The following CHRM2 variants were observed in gnomAD, a reference collection of about 807,000 sequenced individuals.
CHRM2 encodes cholinergic receptor muscarinic 2.
CHRM2 carries 8 observed loss-of-function variants against 25.0 expected under a neutral mutation model. The ratio of observed to expected loss-of-function variants is 0.32; its 90% CI spans 0.19 to 0.58. CHRM2 has a LOEUF of 0.58. Ranked by LOEUF, CHRM2 falls within the 20% of genes least tolerant of loss-of-function variation. The probability of loss-of-function intolerance (pLI) is 0.88; values close to 1 mark genes in which losing one functional copy is unlikely to be tolerated. For missense variants in CHRM2, 440 were observed against 567.1 expected, an observed-to-expected ratio of 0.78 and a Z score of 2.28; for synonymous variants, 202 against 205.7, an observed-to-expected ratio of 0.98 and a Z score of 0.15.
chr7:136,880,707 C>T (rs1438949642), intron 2 of CHRM2, among the ~76,000 whole-genome samples: 1 of 151,676 alleles, frequency 6.6e-6, no homozygotes, highest in African/African-American at 2.4e-5. Context: ...AACCTTTTGG[C>T]CCCACACACA....
Position 136,970,758 on chromosome 7 carries a change from A to G in CHRM2, c.-124-21429A>G, listed in dbSNP as rs80250511. Among the ~76,000 whole-genome samples, 618 of 152,310 alleles carry G rather than the reference A, an allele frequency of 4.1e-3. 3 individuals are homozygous for G. The highest frequency in any genetic ancestry group is 0.014 in the African/African-American group (568 of 41,570). The stretch of plus-strand genomic sequence containing the variant: ...AAACTTACATGTCAATACCTTAGAG[A>G]AAAAAGGCCATTTCTCTTTTCACCT... On this transcript the variant is annotated intron_variant, in intron 2 of 3. Transcript: ENST00000680005.
At chr7:136,875,797 A>T (rs1796030011) in intron 2 of CHRM2, among the ~76,000 whole-genome samples, 1 of 152,202 alleles carries the variant, frequency 6.6e-6, no homozygotes, top group African/African-American at 2.4e-5. Context: ...CAACTGCACA[A>T]GGAAAGAATC....
At chr7:136,880,756 A>G (rs1796234290) in intron 2 of CHRM2, among the ~76,000 whole-genome samples, 1 of 151,804 alleles carries the variant, frequency 6.6e-6, no homozygotes, top group African/African-American at 2.4e-5. Flanking sequence ...CACCAGAGTG[A>G]TACATTTGTT....
At chr7:137,000,918 C>A (rs1483518060) in intron 3 of CHRM2, among the ~76,000 whole-genome samples, 1 of 152,050 alleles carries the variant, frequency 6.6e-6, no homozygotes, top group Non-Finnish European at 1.5e-5. Context: ...GAGCCTTTAA[C>A]CATTTAAGGG....
intron 2 of CHRM2, among the ~76,000 whole-genome samples, chr7:136,938,843 C>T (rs976537356): frequency 2.0e-5 from 3 of 146,908 alleles, no homozygotes; most frequent in Admixed American, 1.4e-4. Flanking sequence ...ACCTGGGGAC[C>T]CCCCTTGCCG....
At chr7:136,902,241 A>G (rs1200759411) in intron 2 of CHRM2, 2 of 151,850 alleles carry the variant, frequency 1.3e-5, no homozygotes, top group African/African-American at 4.8e-5. Flanking sequence ...CCATCCATCC[A>G]TCCATCCATC....
At chr7:136,979,061 C>T (rs934244662) in intron 2 of CHRM2, among the ~76,000 whole-genome samples, 3 of 152,150 alleles carry the variant, frequency 2.0e-5, no homozygotes, top group Admixed American at 2.0e-4. Context: ...ATTTATACTC[C>T]CACAAACAGC....
At chr7:136,984,328 T>A (rs1802694545) in intron 2 of CHRM2, among the ~76,000 whole-genome samples, 1 of 152,158 alleles carries the variant, frequency 6.6e-6, no homozygotes, top group Non-Finnish European at 1.5e-5. Context: ...TTCAGACTGC[T>A]GTGCTGGCAG....
At chr7:136,904,080 T>C (rs1364403) in intron 2 of CHRM2, among the ~76,000 whole-genome samples, 112,618 of 151,678 alleles carry the variant, frequency 0.74, 41,961 homozygotes, top group African/African-American at 0.81. Context: ...CATCTACATT[T>C]GCAAGTGAAA....
intron 2 of CHRM2, among the ~76,000 whole-genome samples, chr7:136,893,509 G>T (rs889169364): frequency 6.6e-6 from 1 of 152,124 alleles, no homozygotes; most frequent in African/African-American, 2.4e-5. Context: ...GGTTATCTAA[G>T]ATAACTTCCT....
chr7:137,003,473 TACACACACACAC>T (rs57626583), intron 3 of CHRM2, among the ~76,000 whole-genome samples: 11,960 of 135,604 alleles, frequency 0.088, 606 homozygotes, highest in South Asian at 0.13. Context: ...CATGCATGCA[TACACACACACAC>T]ACACACACAC....
At chr7:136,937,466 C>T (rs1799484011) in intron 2 of CHRM2, among the ~76,000 whole-genome samples, 1 of 149,248 alleles carries the variant, frequency 6.7e-6, no homozygotes, top group Non-Finnish European at 1.5e-5. Context: ...TATTATAGCA[C>T]ATTCAACACT....
At chr7:136,936,244 C>T (rs77540760) in intron 2 of CHRM2, among the ~76,000 whole-genome samples, 1,997 of 152,162 alleles carry the variant, frequency 0.013, 40 homozygotes, top group African/African-American at 0.046. Flanking sequence ...AGTGGTTCAC[C>T]GCTAATGTTA....
rs188272408 is a variant in CHRM2 at position 136,974,684 on chromosome 7, C to A, written c.-124-17503C>A. Among the ~76,000 whole-genome samples the A allele has an allele frequency of 5.9e-5, 9 of 152,280 alleles. No individual in the cohort carries two copies. The East Asian group carries it at 1.7e-3, about 29-fold the overall frequency. ...AGTACTGATTTGAGACTAGGCTTGG[C>A]AGCTGGGAAGATGTCATTGCATGAA... On this transcript the variant is annotated intron_variant, in intron 2 of 3. Coordinates refer to ENST00000680005, the MANE Select transcript of CHRM2 (RefSeq NM_001006630.2).
chr7:137,011,215 G>GTGTATATATATATA, intron 3 of CHRM2, among the ~76,000 whole-genome samples: 2 of 134,334 alleles, frequency 1.5e-5, no homozygotes, highest in East Asian at 2.0e-4. Context: ...GTGTGTGTGT[G>GTGTATATATATATA]TATATATATA....
rs537794640 is a variant in CHRM2 at position 137,018,523 on chromosome 7, C to T, written c.*2257C>T. On this transcript the variant is annotated 3_prime_UTR_variant, in exon 4 of 4. Transcript: ENST00000680005. Reference sequence around the variant, plus strand: ...CAGAGAATTGACTAGCCAAGTATTTCCCTTTTTAATGTATTGTATTATTAT... The same window carrying T: ...CAGAGAATTGACTAGCCAAGTATTTTCCTTTTTAATGTATTGTATTATTAT... 9.9e-5 allele frequency: 15 copies of T among 152,046 alleles called. No homozygotes were observed. The highest frequency in any genetic ancestry group is 2.1e-4 in the Non-Finnish European group (14 of 67,900). 9.4% of individuals were successfully genotyped at this position (152,046 alleles called of 1,614,324 possible). A position where few individuals can be genotyped will look rare whatever the true frequency, so the allele number is the denominator to read the frequency against.
At chr7:136,938,127 C>T (rs1799528862) in intron 2 of CHRM2, among the ~76,000 whole-genome samples, 1 of 152,174 alleles carries the variant, frequency 6.6e-6, no homozygotes, top group African/African-American at 2.4e-5. Context: ...TGACCTGGCA[C>T]TTGTCTCCTC....
At chr7:137,003,924 G>T (rs2131078869) in intron 3 of CHRM2, among the ~76,000 whole-genome samples, 1 of 152,104 alleles carries the variant, frequency 6.6e-6, no homozygotes, top group South Asian at 2.1e-4. Context: ...CTTTTGCTCG[G>T]CACTTCTCTC....
chr7:136,883,026 A>T (rs925975775), intron 2 of CHRM2, among the ~76,000 whole-genome samples: 1 of 152,188 alleles, frequency 6.6e-6, no homozygotes, highest in African/African-American at 2.4e-5. Context: ...AACATTCTGG[A>T]TAATTTGCCA....
Sources: allele counts gnomAD v4.1 joint callset (sites outside exome capture counted in the v4.1 genomes callset), GRCh38; gene constraint gnomAD v4.1.1; transcripts MANE v1.5; gene names NCBI Gene and HGNC (gene_info 2026-07-23, HGNC 2026-07-21).